The following VPS8 variants were observed in gnomAD, a reference collection of about 807,000 sequenced individuals.
VPS8 encodes vacuolar protein sorting-associated protein 8 homolog.
VPS8 carries 129 observed loss-of-function variants against 216.4 expected under a neutral mutation model. The ratio of observed to expected loss-of-function variants is 0.60; its 90% CI spans 0.52 to 0.69. VPS8 has a LOEUF of 0.69. Ranked by LOEUF, VPS8 falls within the 30% of genes least tolerant of loss-of-function variation. The pLI is 0.00. For synonymous variants in VPS8, 571 were observed against 565.4 expected (o/e 1.01, Z -0.14); for missense variants, 1,531 against 1,683.5 (o/e 0.91, Z 1.59).
intron 32 of VPS8, among the ~76,000 whole-genome samples, chr3:184,929,264 G>A (rs1372955237): frequency 6.6e-6 from 1 of 152,104 alleles, no homozygotes; most frequent in African/African-American, 2.4e-5. Flanking sequence ...TGCGATCATA[G>A]CTCACTGTAG....
intron 25 of VPS8, among the ~76,000 whole-genome samples, chr3:184,911,032 A>G (rs1451036234): frequency 2.6e-5 from 4 of 152,246 alleles, no homozygotes; most frequent in African/African-American, 9.6e-5. Flanking sequence ...GGCAAAGTTG[A>G]AAATTGCCTT....
intron 7 of VPS8, among the ~76,000 whole-genome samples, chr3:184,842,258 A>AATTTAAAATG (rs1722327802): frequency 6.6e-6 from 1 of 151,228 alleles, no homozygotes; most frequent in South Asian, 2.1e-4. Context: ...TACTGCAAAC[A>AATTTAAAATG]ATTTAAAATG....
chr3:185,024,350 ATC>A lies in VPS8; in HGVS notation c.4018_4019del (p.Ser1340ValfsTer11). ...TTTTTTTCCAGGTAAAAATGTCTCCATCGTATCATCAGTCCAAAGGGGATCCC... is the reference window on the plus strand; with the variant it reads ...TTTTTTTCCAGGTAAAAATGTCTCCAGTATCATCAGTCCAAAGGGGATCCC... ...ITPSQVKMSPSYHQSKGDPTA... is the reference protein window; with the variant it reads ...ITPSQVKMSPXYHQSKGDPTA... On this transcript the variant is annotated frameshift_variant, in exon 46 of 48. Transcript: ENST00000625842. LOFTEE classifies it high-confidence loss of function. 1 of 1,596,024 alleles carries A rather than the reference ATC, an allele frequency of 6.3e-7. No individual in the cohort carries two copies. Among genetic ancestry groups the A allele is most frequent in the African/African-American group, 1.3e-5 (1 of 74,878 alleles).
In VPS8 at chr3:184,975,715, G is replaced by A. The variant is rs140235499; in HGVS notation, c.3420+3963G>A. Among the ~76,000 whole-genome samples, 162 of 152,092 alleles carry A rather than the reference G, an allele frequency of 1.1e-3. 2 individuals are homozygous for A. The highest frequency in any genetic ancestry group is 7.3e-3 in the South Asian group (35 of 4,808). ...TTATATATGGCCTTTATTATGTTAAGGTGTGTTCTTTCTCTGCCTAATTTA... is the reference window on the plus strand; with the variant it reads ...TTATATATGGCCTTTATTATGTTAAAGTGTGTTCTTTCTCTGCCTAATTTA... On this transcript the variant is annotated intron_variant, in intron 40 of 47. Transcript: ENST00000625842.
At chr3:184,868,533 C>G in intron 18 of VPS8, among the ~76,000 whole-genome samples, 1 of 152,214 alleles carries the variant, frequency 6.6e-6, no homozygotes, top group East Asian at 1.9e-4. Context: ...GACAACACTT[C>G]CACTTATCGT....
Position 184,915,340 on chromosome 3 carries a change from T to C in VPS8, c.2263-15T>C, listed in dbSNP as rs778392738. 2 of 1,608,860 alleles carry C rather than the reference T, an allele frequency of 1.2e-6. No individual in the cohort carries two copies. Among genetic ancestry groups the C allele is most frequent in the East Asian group, 4.5e-5 (2 of 44,812 alleles). On this transcript the variant is annotated splice_polypyrimidine_tract_variant and intron_variant, in intron 27 of 47. Coordinates refer to ENST00000625842, the MANE Select transcript of VPS8 (RefSeq NM_001009921.3). ...CAGGTGAGAAAATAATCAACATTTT[T>C]TTCCCAACTTGCAGGTTTTTGAATT...
chr3:184,953,929 C>T (rs1386620309), intron 36 of VPS8, among the ~76,000 whole-genome samples: 2 of 152,128 alleles, frequency 1.3e-5, no homozygotes, highest in African/African-American at 4.8e-5. Flanking sequence ...TTTTATTTCT[C>T]TTCCCACAGG....
At chr3:185,016,148 T>G (rs1211734097) in intron 45 of VPS8, among the ~76,000 whole-genome samples, 1 of 152,228 alleles carries the variant, frequency 6.6e-6, no homozygotes, top group African/African-American at 2.4e-5. Flanking sequence ...TCATATCCAA[T>G]TAATGTCCCC....
intron 21 of VPS8, among the ~76,000 whole-genome samples, chr3:184,875,921 T>C (rs1198384615): frequency 1.3e-5 from 2 of 151,218 alleles, no homozygotes; most frequent in Admixed American, 6.6e-5. Flanking sequence ...GCCCGGGAGG[T>C]TGAGGTTGCA....
Position 184,949,589 on chromosome 3 carries a change from T to C in VPS8, c.3036-7785T>C, listed in dbSNP as rs1744290474. Among the ~76,000 whole-genome samples, 6 of 152,144 alleles carry C rather than the reference T, an allele frequency of 3.9e-5. No homozygotes were observed. The South Asian group carries it at 1.2e-3, about 32-fold the overall frequency. Reference sequence around the variant, plus strand: ...GAGACCAAGGATGCACTGGATTCCTTCTTGCCAGAGGAAAGTTTCTGTCTC... The same window carrying C: ...GAGACCAAGGATGCACTGGATTCCTCCTTGCCAGAGGAAAGTTTCTGTCTC... On this transcript the variant is annotated intron_variant, in intron 36 of 47. Transcript: ENST00000625842.
chr3:184,936,402 A>G (rs541101120), intron 35 of VPS8, 67 bp downstream of exon 35: 347 of 1,387,726 alleles, frequency 2.5e-4, no homozygotes, highest in African/African-American at 1.4e-5. Context: ...ATCGTCACCT[A>G]AGAAGTTTTG....
At chr3:184,965,417 T>A (rs1470627208) in intron 38 of VPS8, among the ~76,000 whole-genome samples, 1 of 152,214 alleles carries the variant, frequency 6.6e-6, no homozygotes, top group Non-Finnish European at 1.5e-5. Context: ...AGAGTATTTC[T>A]GACATTGATG....
intron 34 of VPS8, among the ~76,000 whole-genome samples, chr3:184,934,166 G>T (rs2109268439): frequency 1.3e-5 from 2 of 151,536 alleles, no homozygotes; most frequent in Non-Finnish European, 3.0e-5. Flanking sequence ...TTTTTGTTTT[G>T]TTTTGTTTTG....
chr3:184,943,643 A>G (rs962276429), intron 36 of VPS8, among the ~76,000 whole-genome samples: 1 of 152,158 alleles, frequency 6.6e-6, no homozygotes, highest in African/African-American at 2.4e-5. Context: ...TTTTTCCGCC[A>G]TGAAACTCCT....
intron 14 of VPS8, among the ~76,000 whole-genome samples, chr3:184,856,139 A>G (rs1049281746): frequency 2.0e-5 from 3 of 152,232 alleles, no homozygotes; most frequent in African/African-American, 7.2e-5. Flanking sequence ...GACAGCAAGT[A>G]TCATTGAGCA....
chr3:184,913,407 T>C (rs1284957435), intron 25 of VPS8, 112 bp from the exon 26 acceptor site: 6 of 885,798 alleles, frequency 6.8e-6, no homozygotes, highest in East Asian at 2.5e-5. Context: ...TTTGGGAATA[T>C]ACTTACCTCA....
chr3:185,044,264 C>T (rs901928804), intron 46 of VPS8, among the ~76,000 whole-genome samples: 8 of 152,204 alleles, frequency 5.3e-5, no homozygotes, highest in Admixed American at 5.2e-4. Context: ...CGAAAGGCAT[C>T]TCTGGAACTG....
At chr3:185,009,383 A>G (rs948498942) in intron 45 of VPS8, among the ~76,000 whole-genome samples, 1 of 152,226 alleles carries the variant, frequency 6.6e-6, no homozygotes, top group Admixed American at 6.5e-5. Context: ...TTAAAAATAC[A>G]TAATTAAACT....
At chr3:184,954,860 T>C (rs1014284358) in intron 36 of VPS8, among the ~76,000 whole-genome samples, 3 of 152,194 alleles carry the variant, frequency 2.0e-5, no homozygotes, top group African/African-American at 7.2e-5. Flanking sequence ...TCATGGACAA[T>C]TATCAATCAT....
Sources: allele counts gnomAD v4.1 joint callset (sites outside exome capture counted in the v4.1 genomes callset), GRCh38; gene constraint gnomAD v4.1.1; transcripts MANE v1.5; gene names NCBI Gene and HGNC (gene_info 2026-07-23, HGNC 2026-07-21).